The following SGMS1 variants were observed in gnomAD, a reference collection of about 807,000 sequenced individuals.
SGMS1 encodes phosphatidylcholine:ceramide cholinephosphotransferase 1.
Under a neutral mutation model 46.2 loss-of-function variants are expected in SGMS1, and 13 were observed. The ratio of observed to expected loss-of-function variants is 0.28; its 90% CI spans 0.18 to 0.45. The LOEUF (loss-of-function observed/expected upper bound fraction) is 0.45. Ranked by LOEUF, SGMS1 falls within the 20% of genes least tolerant of loss-of-function variation. The probability of loss-of-function intolerance (pLI) is 1.00; values close to 1 mark genes in which losing one functional copy is unlikely to be tolerated. For missense variants in SGMS1, 324 were observed against 519.9 expected (o/e 0.62, Z 3.66); for synonymous variants, 203 against 187.8 (o/e 1.08, Z -0.66).
At chr10:50,535,516 T>C (rs1042867327) in intron 2 of SGMS1, among the ~76,000 whole-genome samples, 1 of 151,936 alleles carries the variant, frequency 6.6e-6, no homozygotes, top group African/African-American at 2.4e-5. Flanking sequence ...CAGGTACAGG[T>C]GCACCACCAC....
chr10:50,408,365 G>A (rs1849047003), intron 6 of SGMS1, among the ~76,000 whole-genome samples: 1 of 148,826 alleles, frequency 6.7e-6, no homozygotes, highest in Non-Finnish European at 1.5e-5. Flanking sequence ...TACTCTGGGA[G>A]GCAAAGGTAG....
chr10:50,349,454 C>T (rs1847969009), intron 6 of SGMS1, among the ~76,000 whole-genome samples: 1 of 152,220 alleles, frequency 6.6e-6, no homozygotes, highest in African/African-American at 2.4e-5. Flanking sequence ...TATCCAGCTA[C>T]TTCCCTTCTC....
chr10:50,367,947 G>A (rs1848374206), intron 6 of SGMS1, among the ~76,000 whole-genome samples: 1 of 152,156 alleles, frequency 6.6e-6, no homozygotes, highest in South Asian at 2.1e-4. Flanking sequence ...ATACCACCAG[G>A]GGGCAACGCA....
intron 4 of SGMS1, among the ~76,000 whole-genome samples, chr10:50,461,183 T>C (rs1233295844): frequency 2.0e-5 from 3 of 152,194 alleles, no homozygotes; most frequent in Non-Finnish European, 4.4e-5. Context: ...AAATTAAGTA[T>C]AAGTTTGAAG....
chr10:50,347,321 C>T (rs763618963), intron 6 of SGMS1, among the ~76,000 whole-genome samples: 5 of 152,098 alleles, frequency 3.3e-5, no homozygotes, highest in African/African-American at 7.2e-5. Flanking sequence ...GCTGAAAATA[C>T]CATTGACAAT....
At chr10:50,388,082 T>C (rs1246749457) in intron 6 of SGMS1, among the ~76,000 whole-genome samples, 2 of 152,178 alleles carry the variant, frequency 1.3e-5, no homozygotes, top group African/African-American at 4.8e-5. Context: ...TGATTTAACA[T>C]ATGCTACCAT....
At chr10:50,599,560 T>A (rs1838629614) in intron 1 of SGMS1, among the ~76,000 whole-genome samples, 2 of 152,152 alleles carry the variant, frequency 1.3e-5, no homozygotes, top group South Asian at 4.1e-4. Context: ...ATGGGATGTA[T>A]ACTTACGAAG....
At chr10:50,609,293 A>G (rs1838725560) in intron 1 of SGMS1, among the ~76,000 whole-genome samples, 1 of 151,936 alleles carries the variant, frequency 6.6e-6, no homozygotes, top group South Asian at 2.1e-4. Context: ...TTGCATTGTT[A>G]TTTTTTGGCT....
chr10:50,508,941 A>C (rs1265596732), intron 3 of SGMS1, among the ~76,000 whole-genome samples: 2 of 152,178 alleles, frequency 1.3e-5, no homozygotes, highest in Non-Finnish European at 2.9e-5. Context: ...ATTTCCTTAA[A>C]AACAGGGCTT....
At chr10:50,308,213 C>T in intron 9 of SGMS1, 65 bp from the exon 10 acceptor site, 1 of 1,427,488 alleles carries the variant, frequency 7.0e-7, no homozygotes, top group Non-Finnish European at 9.6e-7. Context: ...CCCAACTATG[C>T]CTCTACTAAT....
Position 50,463,681 on chromosome 10 carries a change from T to A in SGMS1, c.-454-2867A>T, listed in dbSNP as rs569389168. Among the ~76,000 whole-genome samples the A allele has an allele frequency of 5.8e-4, 89 of 152,298 alleles. 1 individual carries two copies. The highest frequency in any genetic ancestry group is 3.7e-3 in the South Asian group (18 of 4,828). ...CCAGTAAGCTCACTTCTGGTATGCA[T>A]CTGAAAGAATTGAAAGCAGGGTCTT... On this transcript the variant is annotated intron_variant, in intron 4 of 10. Transcript: ENST00000361781.
intron 6 of SGMS1, among the ~76,000 whole-genome samples, chr10:50,422,760 A>T (rs780951223): frequency 6.6e-6 from 1 of 152,272 alleles, no homozygotes; most frequent in Non-Finnish European, 1.5e-5. Context: ...TAGAACTGTC[A>T]TAGGTATACA....
chr10:50,518,955 C>T (rs952735674), intron 3 of SGMS1, among the ~76,000 whole-genome samples: 3 of 152,044 alleles, frequency 2.0e-5, no homozygotes, highest in African/African-American at 7.2e-5. Flanking sequence ...AGCGGGGCAA[C>T]AAAATACCAA....
At chr10:50,334,231 A>G (rs2233778) in intron 7 of SGMS1, among the ~76,000 whole-genome samples, 25,985 of 152,230 alleles carry the variant, frequency 0.17, 2,460 homozygotes, top group Admixed American at 0.23. Context: ...TCCTCCAGAA[A>G]CTGCTAAATA....
intron 3 of SGMS1, among the ~76,000 whole-genome samples, chr10:50,481,937 C>T (rs1837480965): frequency 6.6e-6 from 1 of 152,038 alleles, no homozygotes; most frequent in South Asian, 2.1e-4. Flanking sequence ...AGCTTGAAGA[C>T]TATTTTGCTG....
chr10:50,524,079 A>AT (rs1837878470), intron 2 of SGMS1, among the ~76,000 whole-genome samples: 3 of 152,238 alleles, frequency 2.0e-5, no homozygotes, highest in African/African-American at 7.2e-5. Flanking sequence ...CTTTGGTTCT[A>AT]CTTCAGGTCC....
In SGMS1 at chr10:50,446,309, A is replaced by G. The variant is rs184950745; in HGVS notation, c.-312-12753T>C. Among the ~76,000 whole-genome samples the G allele has an allele frequency of 3.1e-3, 475 of 152,250 alleles. 2 individuals carry two copies. Among genetic ancestry groups the G allele is most frequent in the Middle Eastern group, 0.01 (3 of 294 alleles). On this transcript the variant is annotated intron_variant, in intron 5 of 10. Coordinates refer to ENST00000361781, the MANE Select transcript of SGMS1 (RefSeq NM_147156.4). ...TTGCTGGTTTTGCGGCTTGCTGGGCATCACAGAACCTGCCAACATGTGATG... is the reference window on the plus strand; with the variant it reads ...TTGCTGGTTTTGCGGCTTGCTGGGCGTCACAGAACCTGCCAACATGTGATG...
intron 3 of SGMS1, among the ~76,000 whole-genome samples, chr10:50,469,412 T>A (rs1471244840): frequency 6.6e-6 from 1 of 152,210 alleles, no homozygotes; most frequent in East Asian, 1.9e-4. Flanking sequence ...TTTTATGGGA[T>A]CTAGCACATG....
At chr10:50,517,884 GA>G (rs1285298895) in intron 3 of SGMS1, among the ~76,000 whole-genome samples, 1 of 151,670 alleles carries the variant, frequency 6.6e-6, no homozygotes, top group African/African-American at 2.4e-5. Context: ...ACAACACTGG[GA>G]AAAAAAATAA....
Sources: allele counts gnomAD v4.1 joint callset (sites outside exome capture counted in the v4.1 genomes callset), GRCh38; gene constraint gnomAD v4.1.1; transcripts MANE v1.5; gene names NCBI Gene and HGNC (gene_info 2026-07-23, HGNC 2026-07-21).